CSMD1: variants seen among roughly 807,000 people sequenced by gnomAD.
The protein encoded by CSMD1 is CUB and sushi domain-containing protein 1.
CSMD1 carries 213 observed loss-of-function variants against 417.5 expected under a neutral mutation model. The observed-to-expected ratio is 0.51, with a 90% CI of 0.46 to 0.57. The LOEUF (loss-of-function observed/expected upper bound fraction) is 0.57. Among genes scored for constraint, CSMD1 ranks in the 20% least tolerant of loss-of-function variants. The pLI is 0.00. For missense variants in CSMD1, 6,923 were observed against 4,529.7 expected (o/e 1.53, Z -15.17); for synonymous variants, 2,862 against 1,736.8 (o/e 1.65, Z -16.11).
intron 4 of CSMD1, among the ~76,000 whole-genome samples, chr8:4,029,169 T>C (rs537985139): frequency 3.3e-5 from 5 of 152,164 alleles, no homozygotes; most frequent in African/African-American, 4.8e-5. Flanking sequence ...GACATAAACA[T>C]TGGCATCAAA....
At chr8:4,975,347 G>C (rs538936368) in intron 1 of CSMD1, among the ~76,000 whole-genome samples, 1 of 152,314 alleles carries the variant, frequency 6.6e-6, no homozygotes, top group Non-Finnish European at 1.5e-5. Flanking sequence ...AATAAGAAAA[G>C]AAAAAGAATA....
intron 2 of CSMD1, among the ~76,000 whole-genome samples, chr8:4,611,448 T>C (rs1213357913): frequency 1.3e-5 from 2 of 152,216 alleles, no homozygotes; most frequent in East Asian, 1.9e-4. Context: ...CATTTCTCAG[T>C]GTGTACCATT....
intron 1 of CSMD1, among the ~76,000 whole-genome samples, chr8:4,705,806 T>C (rs996598478): frequency 6.6e-6 from 1 of 152,156 alleles, no homozygotes; most frequent in African/African-American, 2.4e-5. Context: ...TGTCTAGTTC[T>C]GGGAGAAAGA....
At chr8:4,481,424 C>T (rs965592569) in intron 2 of CSMD1, among the ~76,000 whole-genome samples, 4 of 152,084 alleles carry the variant, frequency 2.6e-5, no homozygotes, top group African/African-American at 9.7e-5. Flanking sequence ...GTTGAATTGG[C>T]AGTGTTTTAT....
At chr8:4,865,255 CTA>C (rs1452543488) in intron 1 of CSMD1, among the ~76,000 whole-genome samples, 1 of 151,714 alleles carries the variant, frequency 6.6e-6, no homozygotes, top group Non-Finnish European at 1.5e-5. Flanking sequence ...CATAAAACTT[CTA>C]TGTTATTCAT....
intron 33 of CSMD1, among the ~76,000 whole-genome samples, chr8:3,193,117 G>C (rs1796514549): frequency 6.6e-6 from 1 of 151,994 alleles, no homozygotes; most frequent in Non-Finnish European, 1.5e-5. Flanking sequence ...TGTATATCTG[G>C]GAGCTATACA....
At position 3,553,141 on chromosome 8, in the gene CSMD1, G is replaced by T. The variant is rs184388508; in HGVS notation, c.1344+21804C>A. Among the ~76,000 whole-genome samples the T allele has an allele frequency of 4.9e-3, 737 of 151,398 alleles. 6 individuals carry two copies. Among genetic ancestry groups the T allele is most frequent in the African/African-American group, 0.017 (702 of 41,276 alleles). ...GACAAGGAGAAAAAAAAAAAGAAAG[G>T]AAAGACCTACTCTGAATATCTTTCA... On this transcript the variant is annotated intron_variant, in intron 10 of 69. Coordinates refer to ENST00000635120, the MANE Select transcript of CSMD1 (RefSeq NM_033225.6).
intron 5 of CSMD1, among the ~76,000 whole-genome samples, chr8:3,809,302 C>G: frequency 6.6e-6 from 1 of 152,178 alleles, no homozygotes; most frequent in East Asian, 1.9e-4. Flanking sequence ...ATGCACCTTT[C>G]ATTGAAAGTT....
At position 3,453,762 on chromosome 8, in the gene CSMD1, A is replaced by G. The variant is rs10088699; in HGVS notation, c.1561+14950T>C. 5.9e-3 allele frequency among the ~76,000 whole-genome samples: 903 copies of G among 152,200 alleles called. 12 individuals carry two copies. Among genetic ancestry groups the G allele is most frequent in the African/African-American group, 0.02 (837 of 41,544 alleles). On this transcript the variant is annotated intron_variant, in intron 12 of 69. Transcript: ENST00000635120. ...TGGTCAATTTTGGAATAGGTGTGGT[A>G]TGGTGCTGAAAAGAATATATATTCT...
intron 8 of CSMD1, among the ~76,000 whole-genome samples, chr8:3,594,431 G>A (rs1040588129): frequency 6.6e-6 from 1 of 151,964 alleles, no homozygotes; most frequent in African/African-American, 2.4e-5. Flanking sequence ...TCCAAAATGA[G>A]TATATGTGTT....
intron 3 of CSMD1, among the ~76,000 whole-genome samples, chr8:4,378,898 G>C (rs1595470): frequency 0.82 from 124,383 of 152,160 alleles, 51,190 homozygotes; most frequent in African/African-American, 0.9. Flanking sequence ...AATCCGCAAT[G>C]CTTGGGTCTT....
chr8:4,193,217 G>A (rs1397622184), intron 3 of CSMD1, among the ~76,000 whole-genome samples: 1 of 152,120 alleles, frequency 6.6e-6, no homozygotes, highest in African/African-American at 2.4e-5. Flanking sequence ...AAGCAAAGTT[G>A]TAGCTGCCAC....
At position 3,409,431 on chromosome 8, in the gene CSMD1, C is replaced by A. The variant is rs753082152; in HGVS notation, c.1736G>T (p.Ser579Ile). The change falls in exon 13 of 70, where the codon AGC (serine) becomes ATC (isoleucine). Residue 579 changes from serine to isoleucine, a missense_variant. Physicochemically the swap from Ser to Ile is moderately radical, Grantham distance 142 (BLOSUM62 -2). Transcript: ENST00000635120. ...QNNQWSGNKPSCVFSCFFNFT... is the reference protein window; with the variant it reads ...QNNQWSGNKPICVFSCFFNFT... ...CAAGGCATAATACTCACATACACAG[C>A]TGGGCTTGTTGCCAGACCACTGATT... is the stretch of plus-strand genomic sequence containing the variant. 6.8e-6 allele frequency: 11 copies of A among 1,609,184 alleles called. No homozygotes were observed. In the Admixed American group the frequency reaches 1.9e-4, roughly 27 times the overall value.
intron 11 of CSMD1, among the ~76,000 whole-genome samples, chr8:3,492,729 G>T: frequency 6.6e-6 from 1 of 152,292 alleles, no homozygotes; most frequent in African/African-American, 2.4e-5. Context: ...TGAAAACTGA[G>T]AAGTGGGATC....
chr8:3,073,229 T>A (rs781695025), intron 49 of CSMD1, among the ~76,000 whole-genome samples: 1 of 152,170 alleles, frequency 6.6e-6, no homozygotes, highest in African/African-American at 2.4e-5. Context: ...GGACTTGGCA[T>A]AGGAAATCAT....
chr8:4,150,390 G>A (rs1385583182), intron 3 of CSMD1, among the ~76,000 whole-genome samples: 1 of 152,164 alleles, frequency 6.6e-6, no homozygotes, highest in African/African-American at 2.4e-5. Context: ...GGCTACCTTT[G>A]GAAGTAATGT....
intron 1 of CSMD1, among the ~76,000 whole-genome samples, chr8:4,868,700 C>T (rs574076957): frequency 1.0e-3 from 156 of 151,702 alleles, no homozygotes; most frequent in Non-Finnish European, 1.8e-3. Flanking sequence ...GTGTCTTGGT[C>T]GAAAGTATTT....
chr8:4,712,892 A>G (rs1423288116), intron 1 of CSMD1, among the ~76,000 whole-genome samples: 3 of 152,248 alleles, frequency 2.0e-5, no homozygotes, highest in African/African-American at 4.8e-5. Flanking sequence ...TGGATGGAAG[A>G]AGACAATTTT....
chr8:3,475,789 G>A (rs1208027582), intron 11 of CSMD1, among the ~76,000 whole-genome samples: 3 of 152,218 alleles, frequency 2.0e-5, no homozygotes, highest in African/African-American at 7.2e-5. Context: ...AATGATATGT[G>A]ATTATGTATT....
Sources: allele counts gnomAD v4.1 joint callset (sites outside exome capture counted in the v4.1 genomes callset), GRCh38; gene constraint gnomAD v4.1.1; transcripts MANE v1.5; gene names NCBI Gene and HGNC (gene_info 2026-07-23, HGNC 2026-07-21).